The following CCDC158 variants were observed in gnomAD, a reference collection of about 807,000 sequenced individuals.
CCDC158 encodes coiled-coil domain containing 158.
In CCDC158, 116 loss-of-function variants were observed where a neutral mutation model predicts 138.6. The observed-to-expected ratio is 0.84, with a 90% CI of 0.72 to 0.98. The LOEUF is 0.98. Among genes scored for constraint, CCDC158 ranks in the 50% least tolerant of loss-of-function variants. The pLI, the probability that CCDC158 is intolerant of heterozygous loss-of-function variation, is 0.00. For synonymous variants in CCDC158, 436 were observed against 442.4 expected, an observed-to-expected ratio of 0.99 and a Z score of 0.18; for missense variants, 1,265 against 1,306.1, an observed-to-expected ratio of 0.97 and a Z score of 0.48.
At chr4:76,366,996 T>C (rs1428870391) in intron 12 of CCDC158, among the ~76,000 whole-genome samples, 2 of 152,166 alleles carry the variant, frequency 1.3e-5, no homozygotes, top group African/African-American at 4.8e-5. Flanking sequence ...GGTTCAAATT[T>C]AGGTCTGTCT....
At chr4:76,329,466 C>T (rs1038794446) in intron 21 of CCDC158, among the ~76,000 whole-genome samples, 1 of 152,084 alleles carries the variant, frequency 6.6e-6, no homozygotes, top group South Asian at 2.1e-4. Flanking sequence ...AACCTGTAGT[C>T]CCGGCTACTC....
intron 18 of CCDC158, chr4:76,345,637 G>A (rs1024410101): frequency 1.4e-5 from 11 of 800,794 alleles, no homozygotes; most frequent in Non-Finnish European, 2.3e-5. Context: ...AGAAAGCCAA[G>A]CATCACTTGC....
At chr4:76,401,328 A>T in intron 3 of CCDC158, 1 of 510,986 alleles carries the variant, frequency 2.0e-6, no homozygotes, top group Non-Finnish European at 3.9e-6. Flanking sequence ...GTGACACAGT[A>T]CAAGAAGGGC....
At chr4:76,333,930 C>T (rs957145205) in intron 19 of CCDC158, 80 bp downstream of exon 19, 1 of 1,040,964 alleles carries the variant, frequency 9.6e-7, no homozygotes, top group African/African-American at 1.6e-5. Flanking sequence ...CCTCACCCTC[C>T]CAGAGAGTAA....
chr4:76,355,370 T>C lies in CCDC158; in HGVS notation c.2240A>G (p.Gln747Arg). The change falls in exon 15 of 25, where the codon CAG becomes CGG. Residue 747 changes from glutamine to arginine, a missense_variant. Gln to Arg is a conservative substitution (Grantham distance 43). Coordinates refer to ENST00000682701, the MANE Select transcript of CCDC158 (RefSeq NM_001394954.1). The part of the protein sequence containing the change: ...TAKRGQIDAL[Q>R]SKIQFLEEAM... The stretch of plus-strand genomic sequence containing the variant: ...CTCTTCCAAAAACTGTATCTTGCTC[T>C]GAAGGGCATCTATCTGACCTCTTTT... 1 of 1,614,086 alleles carries C rather than the reference T, an allele frequency of 6.2e-7. No individual in the cohort carries two copies. The highest frequency in any genetic ancestry group is 8.5e-7 in the Non-Finnish European group (1 of 1,179,970).
chr4:76,372,431 C>A (rs1046940047), intron 9 of CCDC158, among the ~76,000 whole-genome samples: 3 of 152,058 alleles, frequency 2.0e-5, no homozygotes, highest in Non-Finnish European at 2.9e-5. Flanking sequence ...GGTGACAGAG[C>A]AAAACTGTTT....
intron 18 of CCDC158, among the ~76,000 whole-genome samples, chr4:76,336,199 A>AC (rs1721485244): frequency 6.6e-6 from 1 of 150,654 alleles, no homozygotes; most frequent in South Asian, 2.1e-4. Flanking sequence ...AAAAAAAAAA[A>AC]AAAAAAAAAA....
chr4:76,362,349 G>T, intron 12 of CCDC158, 34 bp from the exon 13 acceptor site: 1 of 1,498,278 alleles, frequency 6.7e-7, no homozygotes, highest in South Asian at 1.2e-5. Context: ...GGATAGAGAA[G>T]TAAAAAATAT....
chr4:76,390,127 C>A (rs1302936962), intron 4 of CCDC158, among the ~76,000 whole-genome samples: 1 of 152,022 alleles, frequency 6.6e-6, no homozygotes, highest in Non-Finnish European at 1.5e-5. Context: ...ATAAACCAAT[C>A]AAAAGTAATA....
chr4:76,357,548 AATAG>A, intron 13 of CCDC158, 22 bp from the exon 14 acceptor site: 1 of 1,415,590 alleles, frequency 7.1e-7, no homozygotes. Flanking sequence ...GATAATCAAT[AATAG>A]ATGGTTACTT....
At chr4:76,410,821 T>C (rs1338879226) in intron 2 of CCDC158, among the ~76,000 whole-genome samples, 3 of 152,216 alleles carry the variant, frequency 2.0e-5, no homozygotes, top group African/African-American at 7.2e-5. Context: ...GCTCTCAGTG[T>C]CTGTTTTCTC....
chr4:76,342,946 G>T (rs763572994), intron 18 of CCDC158, among the ~76,000 whole-genome samples: 7 of 152,288 alleles, frequency 4.6e-5, no homozygotes, highest in South Asian at 4.1e-4. Context: ...GTCTATAGGA[G>T]AAGCTGTTAG....
intron 21 of CCDC158, among the ~76,000 whole-genome samples, chr4:76,330,554 T>G (rs1303340464): frequency 6.6e-6 from 1 of 152,188 alleles, no homozygotes; most frequent in Non-Finnish European, 1.5e-5. Flanking sequence ...CCATGGGTTC[T>G]GCAATCACAG....
intron 14 of CCDC158, 75 bp from the exon 15 acceptor site, chr4:76,355,511 T>C (rs1723462131): frequency 3.1e-6 from 3 of 962,034 alleles, no homozygotes; most frequent in Non-Finnish European, 5.0e-6. Flanking sequence ...ATGGTTAAAC[T>C]TTATGAGAAG....
rs573522040 is a variant in CCDC158 at position 76,415,959 on chromosome 4, G to T, written c.-116-3827C>A. On this transcript the variant is annotated intron_variant, in intron 1 of 24. Coordinates refer to ENST00000682701, the MANE Select transcript of CCDC158 (RefSeq NM_001394954.1). ...CTCTTGTGGAGGGCCTGACAGGCCC[G>T]CCTGCAGTTATCCAGAGGCCTAACC... Among the ~76,000 whole-genome samples the T allele has an allele frequency of 2.0e-5, 3 of 152,294 alleles. No homozygotes were observed. The East Asian group carries it at 5.8e-4, about 29-fold the overall frequency.
Position 76,333,932 on chromosome 4 carries a change from A to C in CCDC158, c.2822+78T>G, listed in dbSNP as rs11944183. On this transcript the variant is annotated intron_variant, in intron 19 of 24. Transcript: ENST00000682701. ...AAAGTCATTTAAACCTCACCCTCCC[A>C]GAGAGTAACATGTGAATAACTCAAT... 64 of 1,052,090 alleles carry C rather than the reference A, an allele frequency of 6.1e-5. No homozygotes were observed. The African/African-American group carries it at 1.0e-3, about 17-fold the overall frequency. 65.2% of individuals were successfully genotyped at this position (1,052,090 alleles called of 1,614,324 possible).
intron 18 of CCDC158, among the ~76,000 whole-genome samples, chr4:76,342,442 A>G (rs772173306): frequency 1.3e-5 from 2 of 152,188 alleles, no homozygotes; most frequent in African/African-American, 2.4e-5. Flanking sequence ...CACTTACCTC[A>G]TGTTAAGTAG....
chr4:76,412,798 T>C (rs1333300401), intron 1 of CCDC158, among the ~76,000 whole-genome samples: 2 of 152,206 alleles, frequency 1.3e-5, no homozygotes, highest in African/African-American at 2.4e-5. Flanking sequence ...ATCATGTTTT[T>C]ACAACAAAAT....
intron 16 of CCDC158, chr4:76,352,793 T>A (rs1268247042): frequency 5.3e-6 from 1 of 190,056 alleles, no homozygotes. Flanking sequence ...AGTCACTTTT[T>A]GGTGGTAAAT....
Sources: gnomAD v4.1 joint callset for allele counts (sites outside exome capture counted in the v4.1 genomes callset) on GRCh38, gnomAD v4.1.1 for gene constraint, MANE v1.5 for transcripts, NCBI Gene and HGNC (gene_info 2026-07-23, HGNC 2026-07-21) for gene names.